Variants in ADARB1 observed in about 807,000 individuals in gnomAD.
ADARB1 encodes the protein adenosine deaminase RNA specific B1, also known as double-stranded RNA-specific editase 1.
A neutral mutation model predicts 52.4 loss-of-function variants in ADARB1; 10 were observed. That is an observed-to-expected ratio of 0.19 (90% CI 0.12 to 0.32). The LOEUF is 0.32. Ranked by LOEUF, ADARB1 falls within the 10% of genes least tolerant of loss-of-function variation. ADARB1 has a pLI of 1.00. For missense variants in ADARB1, 643 were observed against 922.3 expected (o/e 0.70, Z 3.92); for synonymous variants, 349 against 371.1 (o/e 0.94, Z 0.68).
intron 2 of ADARB1, among the ~76,000 whole-genome samples, chr21:45,158,234 G>A (rs571233005): frequency 5.7e-4 from 87 of 152,286 alleles, no homozygotes; most frequent in African/African-American, 2.0e-3. Context: ...GATTCTTCTC[G>A]GGTTGGGGCG....
chr21:45,134,429 G>A (rs113196542), intron 2 of ADARB1, among the ~76,000 whole-genome samples: 15 of 151,898 alleles, frequency 9.9e-5, no homozygotes, highest in Admixed American at 9.8e-4. Flanking sequence ...GCGCCCGACG[G>A]GTGTGTGCGC....
chr21:45,151,623 C>T (rs992685914), intron 2 of ADARB1, among the ~76,000 whole-genome samples: 1 of 152,180 alleles, frequency 6.6e-6, no homozygotes, highest in Non-Finnish European at 1.5e-5. Flanking sequence ...GAGACACAGG[C>T]CATCTCAGGG....
At chr21:45,169,222 T>C (rs889798328) in intron 2 of ADARB1, among the ~76,000 whole-genome samples, 8 of 152,216 alleles carry the variant, frequency 5.3e-5, no homozygotes, top group Non-Finnish European at 8.8e-5. Context: ...GAAATGAAGA[T>C]TGTGGCTTGT....
chr21:45,155,250 C>A (rs1047223271), intron 2 of ADARB1, among the ~76,000 whole-genome samples: 2 of 152,086 alleles, frequency 1.3e-5, no homozygotes, highest in Non-Finnish European at 2.9e-5. Flanking sequence ...GAGGTCCAAA[C>A]GTAGAGAGGC....
intron 1 of ADARB1, among the ~76,000 whole-genome samples, chr21:45,113,467 G>GTGTA (rs1555888506): frequency 6.8e-6 from 1 of 147,394 alleles, no homozygotes; most frequent in African/African-American, 2.5e-5. Context: ...GTGTGTGTGT[G>GTGTA]TATATATATA....
chr21:45,133,565 C>A lies in ADARB1; in HGVS notation c.-48+4992C>A, dbSNP rs563316984. ...TATCCCATCATGTTCACAGTTCCTC[C>A]CGCCTGCAAGGCAGGGGAGTGTACA... On this transcript the variant is annotated intron_variant, in intron 2 of 10. Transcript: ENST00000348831. The A allele has an allele frequency of 4.5e-5, 8 of 176,250 alleles. No individual in the cohort carries two copies. In the South Asian group the frequency reaches 8.8e-4, roughly 19 times the overall value. The allele number at this position is 176,250 out of a possible 1,614,324, so 10.9% of individuals were successfully genotyped here. A position where few individuals can be genotyped will look rare whatever the true frequency, so the allele number is the denominator to read the frequency against.
chr21:45,124,443 C>T (rs937511046), intron 1 of ADARB1, among the ~76,000 whole-genome samples: 6 of 151,986 alleles, frequency 3.9e-5, no homozygotes, highest in African/African-American at 1.5e-4. Flanking sequence ...GGTGCAATTT[C>T]GGCTCACTGC....
rs564366884 is a variant in ADARB1 at position 45,172,811 on chromosome 21, C to T, written c.28+1127C>T. On this transcript the variant is annotated intron_variant, in intron 3 of 10. Transcript: ENST00000348831. The surrounding 1 kb of genome is among the most constrained non-coding windows in gnomAD (Gnocchi z 4.4). ...CACTTCCGCTGTTGTGTGCGCAGCC[C>T]GTGCCTGCCTGCTGGTGATTGTTTT... Among the ~76,000 whole-genome samples the T allele has an allele frequency of 1.4e-4, 21 of 152,280 alleles. 1 individual carries two copies. The highest frequency in any genetic ancestry group is 6.8e-3 in the Middle Eastern group (2 of 294).
At chr21:45,091,131 T>C (rs1004165017) in intron 1 of ADARB1, among the ~76,000 whole-genome samples, 3 of 152,236 alleles carry the variant, frequency 2.0e-5, no homozygotes, top group Non-Finnish European at 2.9e-5. Flanking sequence ...AATAACTCAG[T>C]CCCTTTCTTC....
chr21:45,217,994 G>T (rs973670249), intron 9 of ADARB1, among the ~76,000 whole-genome samples: 3 of 152,100 alleles, frequency 2.0e-5, no homozygotes, highest in Non-Finnish European at 2.9e-5. Context: ...CTTAATACTA[G>T]TGTTGAACAA....
At chr21:45,115,496 T>C (rs2087777967) in intron 1 of ADARB1, among the ~76,000 whole-genome samples, 2 of 152,270 alleles carry the variant, frequency 1.3e-5, no homozygotes, top group South Asian at 4.1e-4. Context: ...AGATTGTCTG[T>C]ATCATCAGAT....
chr21:45,119,548 GTGT>G (rs1050714606), intron 1 of ADARB1, among the ~76,000 whole-genome samples: 4 of 152,184 alleles, frequency 2.6e-5, no homozygotes, highest in African/African-American at 9.7e-5. Flanking sequence ...CTTATGAGAC[GTGT>G]TGTTCTTTAC....
At chr21:45,199,067 A>G (rs902945348) in intron 8 of ADARB1, among the ~76,000 whole-genome samples, 6 of 152,210 alleles carry the variant, frequency 3.9e-5, no homozygotes, top group African/African-American at 9.6e-5. Context: ...ATGGGGCAGC[A>G]CTGGTGATCA....
rs2092995739 is a variant in ADARB1 at position 45,223,191 on chromosome 21, T to G, written c.*994T>G. On this transcript the variant is annotated 3_prime_UTR_variant, in exon 11 of 11. Coordinates refer to ENST00000348831, the MANE Select transcript of ADARB1 (RefSeq NM_001112.4). ...TTCACAGGATGGAAGTAGAATGATTTCAGTAGATACTCATTCTTGGAAAAT... is the reference window on the plus strand; with the variant it reads ...TTCACAGGATGGAAGTAGAATGATTGCAGTAGATACTCATTCTTGGAAAAT... 1.0e-6 allele frequency: 1 copy of G among 985,288 alleles called. No homozygotes were observed. Among genetic ancestry groups the G allele is most frequent in the African/African-American group, 1.7e-5 (1 of 57,232 alleles). The allele number at this position is 985,288 out of a possible 1,614,324, so 61.0% of individuals were successfully genotyped here.
chr21:45,086,369 C>T (rs570553003), intron 1 of ADARB1, among the ~76,000 whole-genome samples: 4 of 152,266 alleles, frequency 2.6e-5, no homozygotes, highest in Admixed American at 1.3e-4. Flanking sequence ...ATGAAATGCA[C>T]CCTCTCTAAG....
intron 8 of ADARB1, among the ~76,000 whole-genome samples, chr21:45,201,708 C>T (rs1227994980): frequency 2.0e-5 from 3 of 152,210 alleles, no homozygotes; most frequent in Non-Finnish European, 4.4e-5. Context: ...ACAGAAACCT[C>T]TTCCTGCACT....
chr21:45,156,198 GTCATCCATCCATCCATCCA>G (rs2090597624), intron 2 of ADARB1, among the ~76,000 whole-genome samples: 6 of 64,228 alleles, frequency 9.3e-5, no homozygotes, highest in Admixed American at 4.0e-4. Context: ...CCCATCATCT[GTCATCCATCCATCCATCCA>G]CCCACCCACC....
At chr21:45,199,067 A>T (rs902945348) in intron 8 of ADARB1, among the ~76,000 whole-genome samples, 6 of 152,210 alleles carry the variant, frequency 3.9e-5, no homozygotes, top group African/African-American at 1.4e-4. Context: ...ATGGGGCAGC[A>T]CTGGTGATCA....
intron 2 of ADARB1, among the ~76,000 whole-genome samples, chr21:45,155,361 G>A (rs1055543616): frequency 3.9e-5 from 6 of 152,088 alleles, no homozygotes; most frequent in Non-Finnish European, 8.8e-5. Context: ...GGAAGCAGGC[G>A]GCTGTCGTAC....
Sources: gnomAD v4.1 joint callset for allele counts (sites outside exome capture counted in the v4.1 genomes callset) on GRCh38, gnomAD v4.1.1 for gene constraint, Gnocchi (gnomAD v3.1) non-coding constraint, MANE v1.5 for transcripts, NCBI Gene and HGNC (gene_info 2026-07-23, HGNC 2026-07-21) for gene names.